SLC24A2: variants seen among roughly 807,000 people sequenced by gnomAD.
The protein encoded by SLC24A2 is solute carrier family 24 member 2, also known as sodium/potassium/calcium exchanger 2.
A neutral mutation model predicts 62.0 loss-of-function variants in SLC24A2; 36 were observed. The observed-to-expected ratio is 0.58, with a 90% CI of 0.44 to 0.77. The LOEUF (loss-of-function observed/expected upper bound fraction) is 0.77, where lower values mean the gene tolerates loss of function less well. Among genes scored for constraint, SLC24A2 ranks in the 30% least tolerant of loss-of-function variants. The probability of loss-of-function intolerance (pLI) is 0.00; values close to 1 mark genes in which losing one functional copy is unlikely to be tolerated. For synonymous variants in SLC24A2, 358 were observed against 294.0 expected, an observed-to-expected ratio of 1.22 and a Z score of -2.23; for missense variants, 846 against 817.9, an observed-to-expected ratio of 1.03 and a Z score of -0.42.
chr9:20,005,656 A>G, the SLC24A2 span, among the ~76,000 whole-genome samples: 1 of 151,994 alleles, frequency 6.6e-6, no homozygotes, highest in Non-Finnish European at 1.5e-5. Context: ...GGGACAGGGT[A>G]TTTCTTAAGT....
the SLC24A2 span, among the ~76,000 whole-genome samples, chr9:19,836,641 C>T: frequency 4.2e-3 from 639 of 152,252 alleles, 4 homozygotes; most frequent in African/African-American, 0.014. Context: ...CCGAATTCTA[C>T]CAGAGGTACA....
intron 5 of SLC24A2, among the ~76,000 whole-genome samples, chr9:19,578,554 ATT>A (rs3085618): frequency 0.92 from 138,552 of 151,290 alleles, 63,502 homozygotes; most frequent in East Asian, 1. Context: ...CCCACGATGT[ATT>A]TTTTTTTTTT....
chr9:20,096,411 G>A, the SLC24A2 span, among the ~76,000 whole-genome samples: 1 of 152,014 alleles, frequency 6.6e-6, no homozygotes, highest in African/African-American at 2.4e-5. Context: ...ACATGTTATT[G>A]ACTCTCCTTT....
At chr9:19,762,581 C>T (rs1490028281) in intron 2 of SLC24A2, among the ~76,000 whole-genome samples, 1 of 152,124 alleles carries the variant, frequency 6.6e-6, no homozygotes, top group African/African-American at 2.4e-5. Context: ...TCCCCCATTG[C>T]TTGTTTTTGT....
At chr9:20,126,100 T>TG in the SLC24A2 span, among the ~76,000 whole-genome samples, 1 of 152,114 alleles carries the variant, frequency 6.6e-6, no homozygotes, top group Non-Finnish European at 1.5e-5. Context: ...TGTAGATAGT[T>TG]GTCAAATTGG....
chr9:20,137,206 T>G, the SLC24A2 span, among the ~76,000 whole-genome samples: 1 of 152,196 alleles, frequency 6.6e-6, no homozygotes, highest in African/African-American at 2.4e-5. Flanking sequence ...AATAAAAGTC[T>G]ATAATAAGAG....
chr9:19,912,317 T>G, the SLC24A2 span, among the ~76,000 whole-genome samples: 1 of 152,164 alleles, frequency 6.6e-6, no homozygotes, highest in Non-Finnish European at 1.5e-5. Flanking sequence ...TGTTATCCCA[T>G]GGATAGTGAT....
the SLC24A2 span, among the ~76,000 whole-genome samples, chr9:20,102,054 C>A: frequency 6.6e-6 from 1 of 152,204 alleles, no homozygotes; most frequent in Non-Finnish European, 1.5e-5. Context: ...CAATGAAACA[C>A]CCTGTGGTAG....
the SLC24A2 span, among the ~76,000 whole-genome samples, chr9:20,044,348 C>A: frequency 6.6e-6 from 1 of 152,146 alleles, no homozygotes; most frequent in African/African-American, 2.4e-5. Flanking sequence ...GCCTAAAGGT[C>A]TGCAATCACA....
the SLC24A2 span, among the ~76,000 whole-genome samples, chr9:20,116,643 G>C: frequency 1.4e-4 from 22 of 152,180 alleles, no homozygotes; most frequent in African/African-American, 5.3e-4. Context: ...ATCATGTCTA[G>C]GATGTATTAA....
the SLC24A2 span, among the ~76,000 whole-genome samples, chr9:20,274,316 G>A: frequency 1.3e-5 from 2 of 152,194 alleles, no homozygotes; most frequent in African/African-American, 4.8e-5. Flanking sequence ...ATGTGGTTAT[G>A]TGGGGGAAGA....
At chr9:19,804,478 T>C in the SLC24A2 span, among the ~76,000 whole-genome samples, 3 of 152,184 alleles carry the variant, frequency 2.0e-5, no homozygotes, top group Non-Finnish European at 4.4e-5. Flanking sequence ...TATAGAAATA[T>C]AATTGACGTT....
At chr9:19,964,611 T>C in the SLC24A2 span, among the ~76,000 whole-genome samples, 6 of 152,146 alleles carry the variant, frequency 3.9e-5, no homozygotes, top group Non-Finnish European at 8.8e-5. Flanking sequence ...TATGTCCACT[T>C]GGTTGGACTG....
At position 19,559,002 on chromosome 9, in the gene SLC24A2, T is replaced by C. The variant is rs138438437; in HGVS notation, c.1348-8734A>G. Among the ~76,000 whole-genome samples, 405 of 152,276 alleles carry C rather than the reference T, an allele frequency of 2.7e-3. 2 individuals carry two copies. The highest frequency in any genetic ancestry group is 9.5e-3 in the African/African-American group (394 of 41,560). ...ACTTTTCATATGGTTTTCTACTAAATAGGAAGTCAAGCCCAAGGCTGTCTT... is the reference window on the plus strand; with the variant it reads ...ACTTTTCATATGGTTTTCTACTAAACAGGAAGTCAAGCCCAAGGCTGTCTT... On this transcript the variant is annotated intron_variant, in intron 7 of 10. Coordinates refer to ENST00000341998, the MANE Select transcript of SLC24A2 (RefSeq NM_020344.4).
At position 19,510,801 on chromosome 9, in the gene SLC24A2, G is replaced by C. The variant is rs113904625; in HGVS notation, c.*5352C>G. 6.6e-6 allele frequency: 1 copy of C among 152,192 alleles called. No homozygotes were observed. The highest frequency in any genetic ancestry group is 1.5e-5 in the Non-Finnish European group (1 of 68,042). The allele number at this position is 152,192 out of a possible 1,614,324, so 9.4% of individuals were successfully genotyped here. A position where few individuals can be genotyped will look rare whatever the true frequency, so the allele number is the denominator to read the frequency against. On this transcript the variant is annotated 3_prime_UTR_variant, in exon 11 of 11. Transcript: ENST00000341998. ...CTACACAGTCCCTCACTGTTCGTAC[G>C]CTAATTTGAAAACAGTTGCCTAGCC... is the stretch of plus-strand genomic sequence containing the variant.
the SLC24A2 span, among the ~76,000 whole-genome samples, chr9:19,987,867 A>G: frequency 6.6e-6 from 1 of 152,200 alleles, no homozygotes; most frequent in Non-Finnish European, 1.5e-5. Context: ...CTGTAGGAGC[A>G]CTGAACCAGC....
intron 2 of SLC24A2, among the ~76,000 whole-genome samples, chr9:19,639,350 C>G (rs1203844972): frequency 6.6e-6 from 1 of 152,108 alleles, no homozygotes; most frequent in African/African-American, 2.4e-5. Flanking sequence ...GTTTTCCTTC[C>G]CCTTGTTTTG....
At chr9:19,680,230 T>G (rs1042733860) in intron 2 of SLC24A2, among the ~76,000 whole-genome samples, 5 of 152,106 alleles carry the variant, frequency 3.3e-5, no homozygotes, top group African/African-American at 1.2e-4. Context: ...CATCCAACCC[T>G]AACAGAAGAG....
the SLC24A2 span, among the ~76,000 whole-genome samples, chr9:20,093,081 GT>G: frequency 1.3e-5 from 2 of 150,530 alleles, no homozygotes; most frequent in East Asian, 1.9e-4. Context: ...TCTGTTTTTT[GT>G]TTTTTTTAGA....
Sources: gnomAD v4.1 joint callset for allele counts (sites outside exome capture counted in the v4.1 genomes callset) on GRCh38, gnomAD v4.1.1 for gene constraint, MANE v1.5 for transcripts, NCBI Gene and HGNC (gene_info 2026-07-23, HGNC 2026-07-21) for gene names.